Variants in SYT6 observed in about 807,000 individuals in gnomAD.
SYT6 encodes the protein synaptotagmin-6.
A neutral mutation model predicts 38.4 loss-of-function variants in SYT6; 24 were observed. The ratio of observed to expected loss-of-function variants is 0.62; its 90% confidence interval spans 0.45 to 0.88. The LOEUF (loss-of-function observed/expected upper bound fraction) is 0.88, where lower values mean the gene tolerates loss of function less well. Among genes scored for constraint, SYT6 ranks in the 40% least tolerant of loss-of-function variants. The pLI is 0.00. For missense variants in SYT6, 611 were observed against 621.0 expected (o/e 0.98, Z 0.17); for synonymous variants, 265 against 241.9 (o/e 1.10, Z -0.89).
intron 3 of SYT6, among the ~76,000 whole-genome samples, chr1:114,134,694 G>T (rs938630857): frequency 6.6e-6 from 1 of 152,320 alleles, no homozygotes; most frequent in South Asian, 2.1e-4. Context: ...AACCTTGTTG[G>T]CAAAGGCAAG....
chr1:114,100,649 C>T (rs553496846), intron 4 of SYT6, among the ~76,000 whole-genome samples: 2 of 152,332 alleles, frequency 1.3e-5, no homozygotes, highest in African/African-American at 4.8e-5. Context: ...TCAAACTACA[C>T]ATTTGAAAGG....
chr1:114,100,611 C>T (rs995593353), intron 4 of SYT6, among the ~76,000 whole-genome samples: 2 of 152,188 alleles, frequency 1.3e-5, no homozygotes, highest in Non-Finnish European at 2.9e-5. Flanking sequence ...TATGGAGAGA[C>T]CATGAGGTGT....
chr1:114,126,511 C>A (rs763300861), intron 3 of SYT6, among the ~76,000 whole-genome samples: 1 of 152,154 alleles, frequency 6.6e-6, no homozygotes, highest in Admixed American at 6.5e-5. Context: ...GCTTTCCTTG[C>A]GACCAAATAG....
At chr1:114,112,046 G>A (rs1382519208) in intron 3 of SYT6, among the ~76,000 whole-genome samples, 1 of 152,158 alleles carries the variant, frequency 6.6e-6, no homozygotes, top group Non-Finnish European at 1.5e-5. Flanking sequence ...CTGGGTGCTG[G>A]GGCAGGTTCT....
chr1:114,124,539 G>A (rs1052965147), intron 3 of SYT6, among the ~76,000 whole-genome samples: 1 of 152,194 alleles, frequency 6.6e-6, no homozygotes, highest in Non-Finnish European at 1.5e-5. Flanking sequence ...CCACTGGGAA[G>A]TGGCACTTTC....
intron 6 of SYT6, among the ~76,000 whole-genome samples, chr1:114,095,057 T>A (rs1188149095): frequency 6.6e-6 from 1 of 152,132 alleles, no homozygotes; most frequent in East Asian, 1.9e-4. Context: ...CTGAGACGAG[T>A]GTCATTTTTA....
At chr1:114,144,668 T>C (rs1051540483) in intron 1 of SYT6, among the ~76,000 whole-genome samples, 8 of 152,152 alleles carry the variant, frequency 5.3e-5, no homozygotes, top group Admixed American at 5.2e-4. Flanking sequence ...ATTTACTGAG[T>C]ACTTGCCATG....
Position 114,132,183 on chromosome 1 carries a change from A to G in SYT6, c.1071+5312T>C, listed in dbSNP as rs535575127. On this transcript the variant is annotated intron_variant, in intron 3 of 7. Coordinates refer to ENST00000610222, the MANE Select transcript of SYT6 (RefSeq NM_001253772.2). ...GCAGCTAGCAGGAGCTCAATAAGTAATGACCAGCGCATCCCAGTAAATGGG... is the reference window on the plus strand; with the variant it reads ...GCAGCTAGCAGGAGCTCAATAAGTAGTGACCAGCGCATCCCAGTAAATGGG... Among the ~76,000 whole-genome samples, 37 of 152,354 alleles carry G rather than the reference A, an allele frequency of 2.4e-4. 1 individual carries two copies. The South Asian group carries it at 5.4e-3, about 22-fold the overall frequency.
At chr1:114,127,088 A>G (rs1677787368) in intron 3 of SYT6, among the ~76,000 whole-genome samples, 3 of 152,230 alleles carry the variant, frequency 2.0e-5, no homozygotes, top group Admixed American at 2.0e-4. Flanking sequence ...TGCTTACTGC[A>G]GGTCAGAGCC....
intron 1 of SYT6, among the ~76,000 whole-genome samples, chr1:114,141,099 C>A (rs956176074): frequency 6.6e-6 from 1 of 152,174 alleles, no homozygotes; most frequent in African/African-American, 2.4e-5. Context: ...CTTACTTTGA[C>A]TTCTAAGTGT....
At chr1:114,108,934 G>A (rs1489022503) in intron 3 of SYT6, among the ~76,000 whole-genome samples, 1 of 152,226 alleles carries the variant, frequency 6.6e-6, no homozygotes, top group Non-Finnish European at 1.5e-5. Context: ...TTTCAGGAAA[G>A]CCATAGGAGA....
At chr1:114,101,702 C>T (rs533540218) in intron 4 of SYT6, among the ~76,000 whole-genome samples, 1 of 152,302 alleles carries the variant, frequency 6.6e-6, no homozygotes, top group African/African-American at 2.4e-5. Context: ...TGAGGGAAAC[C>T]TCAAACTCAT....
chr1:114,122,983 C>G (rs1461070587), intron 3 of SYT6, among the ~76,000 whole-genome samples: 1 of 152,236 alleles, frequency 6.6e-6, no homozygotes, highest in Non-Finnish European at 1.5e-5. Context: ...CTGACTCACA[C>G]CTCCTTTTCT....
chr1:114,122,479 A>T (rs1677463982), intron 3 of SYT6, among the ~76,000 whole-genome samples: 1 of 103,002 alleles, frequency 9.7e-6, no homozygotes, highest in South Asian at 3.5e-4. Flanking sequence ...CAGCATGTAC[A>T]TTTGTGTGTG....
At chr1:114,094,363 C>T (rs756165717) in intron 6 of SYT6, among the ~76,000 whole-genome samples, 1 of 152,154 alleles carries the variant, frequency 6.6e-6, no homozygotes, top group Non-Finnish European at 1.5e-5. Context: ...AAATGGGTCA[C>T]GTTCCAACAG....
chr1:114,134,662 A>G (rs1678373084), intron 3 of SYT6, among the ~76,000 whole-genome samples: 1 of 152,154 alleles, frequency 6.6e-6, no homozygotes, highest in African/African-American at 2.4e-5. Flanking sequence ...GAGAGGTGGG[A>G]ACAGATCTGC....
chr1:114,092,338 C>CTCTCTCTCTCTCTCTGTG (rs991723002), intron 7 of SYT6, among the ~76,000 whole-genome samples: 52 of 128,562 alleles, frequency 4.0e-4, no homozygotes, highest in African/African-American at 1.4e-3. Context: ...CTCTCTCTCT[C>CTCTCTCTCTCTCTCTGTG]TGTGTGTGTG....
intron 1 of SYT6, among the ~76,000 whole-genome samples, chr1:114,153,327 A>T (rs2101141660): frequency 6.6e-6 from 1 of 152,316 alleles, no homozygotes; most frequent in South Asian, 2.1e-4. Context: ...TGAAGCCCCA[A>T]GGGTGCCCCG....
intron 3 of SYT6, among the ~76,000 whole-genome samples, chr1:114,109,054 A>T (rs1444979245): frequency 6.6e-6 from 1 of 152,190 alleles, no homozygotes; most frequent in Non-Finnish European, 1.5e-5. Context: ...GTTGGACTCC[A>T]ATGGCTAAAG....
Sources: gnomAD v4.1 joint callset for allele counts (sites outside exome capture counted in the v4.1 genomes callset) on GRCh38, gnomAD v4.1.1 for gene constraint, MANE v1.5 for transcripts, NCBI Gene and HGNC (gene_info 2026-07-23, HGNC 2026-07-21) for gene names.